Variants in ELF5 observed in about 807,000 individuals in gnomAD.
ELF5 encodes the protein ETS-related transcription factor Elf-5.
ELF5 carries 31 observed loss-of-function variants against 38.2 expected under a neutral mutation model. The ratio of observed to expected loss-of-function variants is 0.81; its 90% CI spans 0.61 to 1.10. The LOEUF is 1.10. Among genes scored for constraint, ELF5 ranks in the 50% least tolerant of loss-of-function variants. The pLI, the probability that ELF5 is intolerant of heterozygous loss-of-function variation, is 0.00. For missense variants in ELF5, 300 were observed against 306.6 expected, an observed-to-expected ratio of 0.98 and a Z score of 0.16; for synonymous variants, 121 against 112.5, an observed-to-expected ratio of 1.08 and a Z score of -0.48.
intron 2 of ELF5, among the ~76,000 whole-genome samples, chr11:34,495,627 T>A (rs1478804506): frequency 2.0e-5 from 3 of 152,224 alleles, no homozygotes; most frequent in East Asian, 3.8e-4. Flanking sequence ...TATTTAAAAA[T>A]TTTCAGAATT....
intron 4 of ELF5, among the ~76,000 whole-genome samples, chr11:34,487,836 G>A (rs183539546): frequency 3.0e-4 from 46 of 152,258 alleles, no homozygotes; most frequent in African/African-American, 9.4e-4. Context: ...CTGAGGAGTT[G>A]AATTTTAATA....
chr11:34,510,051 AT>A (rs1373992908), intron 1 of ELF5, among the ~76,000 whole-genome samples: 6 of 152,106 alleles, frequency 3.9e-5, no homozygotes, highest in Non-Finnish European at 8.8e-5. Flanking sequence ...AACTAGAAAT[AT>A]TTTTTGATCA....
chr11:34,501,549 A>T (rs1850468523), intron 2 of ELF5, among the ~76,000 whole-genome samples: 2 of 152,012 alleles, frequency 1.3e-5, no homozygotes. Flanking sequence ...TAAAAATATC[A>T]TATGCATGTG....
In ELF5 at chr11:34,480,068, C is replaced by T. The variant is rs1043183693; in HGVS notation, c.*150G>A. 5.8e-5 allele frequency: 38 copies of T among 655,968 alleles called. No homozygotes were observed. Among genetic ancestry groups the T allele is most frequent in the Admixed American group, 5.3e-4 (18 of 34,078 alleles). The allele number at this position is 655,968 out of a possible 1,614,324, so 40.6% of individuals were successfully genotyped here. On this transcript the variant is annotated 3_prime_UTR_variant, in exon 7 of 7. Coordinates refer to ENST00000257832, the MANE Select transcript of ELF5 (RefSeq NM_001422.4). ...CCCTCCATAGACAACAACTCTGAATCCAAATGTAAGCTGAGATGTGGAGAA... is the reference window on the plus strand; with the variant it reads ...CCCTCCATAGACAACAACTCTGAATTCAAATGTAAGCTGAGATGTGGAGAA...
At chr11:34,513,266 G>T (rs1295822989) in intron 1 of ELF5, among the ~76,000 whole-genome samples, 1 of 152,194 alleles carries the variant, frequency 6.6e-6, no homozygotes, top group Non-Finnish European at 1.5e-5. Flanking sequence ...TGGGCAGGCC[G>T]GTGGGGAAAG....
chr11:34,487,770 C>T (rs191822068), intron 4 of ELF5, among the ~76,000 whole-genome samples: 145 of 152,082 alleles, frequency 9.5e-4, no homozygotes, highest in African/African-American at 3.2e-3. Context: ...AGAATCTGAG[C>T]GGTTCAAGAT....
chr11:34,481,461 C>T (rs1179891963), intron 5 of ELF5, among the ~76,000 whole-genome samples: 4 of 152,166 alleles, frequency 2.6e-5, no homozygotes, highest in Non-Finnish European at 4.4e-5. Flanking sequence ...TCTGTGTCTC[C>T]CATCGAAGCA....
rs772039935 is a variant in ELF5, at chr11:34,493,530, C to A, written c.304G>T (p.Gly102Cys). The part of the protein sequence containing the change: ...MTQEEFVEAA[G>C]LCGEYLYFIL... ...AAGTACAGGTACTCGCCGCAGAGGC[C>A]AGCTGCCTCGACGAACTCCTCCTGT... The change falls in exon 3 of 7, where the codon GGC becomes TGC. Residue 102 changes from glycine (G) to cysteine (C), a missense_variant. Transcript: ENST00000257832. 6.2e-7 allele frequency: 1 copy of A among 1,614,180 alleles called. No homozygotes were observed. Among genetic ancestry groups the A allele is most frequent in the South Asian group, 1.1e-5 (1 of 91,076 alleles).
intron 5 of ELF5, 107 bp downstream of exon 5, chr11:34,482,319 GGGAGT>G: frequency 1.1e-6 from 1 of 937,268 alleles, no homozygotes; most frequent in Non-Finnish European, 1.7e-6. Flanking sequence ...ACCTTCCTTG[GGGAGT>G]AACTGGTCCA....
intron 2 of ELF5, among the ~76,000 whole-genome samples, chr11:34,495,193 C>T (rs1337503813): frequency 6.6e-6 from 1 of 152,080 alleles, no homozygotes; most frequent in African/African-American, 2.4e-5. Flanking sequence ...GGCTGAGGCA[C>T]GGGGAAAGCT....
intron 4 of ELF5, among the ~76,000 whole-genome samples, chr11:34,489,487 TC>T (rs1385334744): frequency 6.6e-6 from 1 of 152,158 alleles, no homozygotes. Flanking sequence ...AAGATCCCTT[TC>T]CCGAGCCTTC....
chr11:34,482,433 G>T lies in ELF5; in HGVS notation c.473C>A (p.Thr158Lys), dbSNP rs1325005691. 1 of 1,613,284 alleles carries T rather than the reference G, an allele frequency of 6.2e-7. No homozygotes were observed. Among genetic ancestry groups the T allele is most frequent in the Non-Finnish European group, 8.5e-7 (1 of 1,179,682 alleles). ...GAAAACTGGCATCCTGCACTTACTTGTTCTACTATGACTGTGACAGTCTTG... is the reference window on the plus strand; with the variant it reads ...GAAAACTGGCATCCTGCACTTACTTTTTCTACTATGACTGTGACAGTCTTG... ...KSQDCHSHSR[T>K]SLQSSHLWEF... Residue 158 changes from threonine to lysine, a missense_variant and splice_region_variant, in exon 5 of 7, where the codon ACA (threonine) becomes AAA (lysine). Thr to Lys is a moderately conservative substitution (Grantham distance 78). Coordinates refer to ENST00000257832, the MANE Select transcript of ELF5 (RefSeq NM_001422.4).
At position 34,482,443 on chromosome 11, in the gene ELF5, G is replaced by A; in HGVS notation, c.463C>T (p.His155Tyr). 1 of 1,613,002 alleles carries A rather than the reference G, an allele frequency of 6.2e-7. No homozygotes were observed. The highest frequency in any genetic ancestry group is 8.5e-7 in the Non-Finnish European group (1 of 1,179,794). ...ATCCTGCACTTACTTGTTCTACTAT[G>A]ACTGTGACAGTCTTGACTTTTGATG... ...SGIKSQDCHS[H>Y]SRTSLQSSHL... The change falls in exon 5 of 7, where the codon CAT (histidine) becomes TAT (tyrosine). Residue 155 changes from histidine (H) to tyrosine (Y), a missense_variant. Coordinates refer to ENST00000257832, the MANE Select transcript of ELF5 (RefSeq NM_001422.4).
intron 4 of ELF5, 71 bp downstream of exon 4, chr11:34,489,938 A>T: frequency 6.4e-7 from 1 of 1,561,648 alleles, no homozygotes; most frequent in South Asian, 1.1e-5. Flanking sequence ...ATGATCCTAA[A>T]AGAATGGTCA....
At chr11:34,493,759 C>G in intron 2 of ELF5, 47 bp from the exon 3 acceptor site, 2 of 1,552,308 alleles carry the variant, frequency 1.3e-6, no homozygotes, top group Non-Finnish European at 1.8e-6. Context: ...CCAAGACAGC[C>G]TTCGAGAGGG....
intron 5 of ELF5, among the ~76,000 whole-genome samples, chr11:34,481,251 T>C (rs1003795351): frequency 1.3e-5 from 2 of 152,074 alleles, no homozygotes; most frequent in African/African-American, 4.8e-5. Context: ...CTCGAACTCC[T>C]GACCTCAGGT....
At chr11:34,488,969 A>G (rs1406465653) in intron 4 of ELF5, among the ~76,000 whole-genome samples, 1 of 152,178 alleles carries the variant, frequency 6.6e-6, no homozygotes, top group Non-Finnish European at 1.5e-5. Context: ...TACCAGCACC[A>G]GGAAACAGTG....
At chr11:34,511,889 AATT>A in intron 1 of ELF5, 1 of 378,172 alleles carries the variant, frequency 2.6e-6, no homozygotes, top group Non-Finnish European at 4.9e-6. Context: ...AAATTGGCCC[AATT>A]AAGCATCTAC....
chr11:34,482,586 T>G, intron 4 of ELF5, 87 bp from the exon 5 acceptor site: 1 of 1,065,298 alleles, frequency 9.4e-7, no homozygotes. Context: ...AAATACTAAT[T>G]GAATGCCTTT....
Sources: allele counts gnomAD v4.1 joint callset (sites outside exome capture counted in the v4.1 genomes callset), GRCh38; gene constraint gnomAD v4.1.1; transcripts MANE v1.5; gene names NCBI Gene and HGNC (gene_info 2026-07-23, HGNC 2026-07-21).